The following MCF2 variants were observed in gnomAD, a reference collection of about 807,000 sequenced individuals.
The protein encoded by MCF2 is MCF.2 cell line derived transforming sequence, also known as proto-oncogene DBL.
Under a neutral mutation model 82.5 loss-of-function variants are expected in MCF2, and 44 were observed. The ratio of observed to expected loss-of-function variants is 0.53; its 90% CI spans 0.42 to 0.69. The LOEUF is 0.69. Ranked by LOEUF, MCF2 falls within the 30% of genes least tolerant of loss-of-function variation. The pLI, the probability that MCF2 is intolerant of heterozygous loss-of-function variation, is 0.00. For missense variants in MCF2, 623 were observed against 663.1 expected (o/e 0.94, Z 0.66); for synonymous variants, 217 against 224.9 (o/e 0.96, Z 0.32).
chrX:139,656,174 G>C (rs1466814889), intron 1 of MCF2, among the ~76,000 whole-genome samples: 1 of 111,907 alleles, frequency 8.9e-6, no homozygotes, highest in Non-Finnish European at 1.9e-5. Context: ...CCATTCTCCT[G>C]CCTCAGCCTC....
At chrX:139,608,137 T>C (rs931610041) in intron 11 of MCF2, among the ~76,000 whole-genome samples, 1 of 111,558 alleles carries the variant, frequency 9.0e-6, no homozygotes, top group Non-Finnish European at 1.9e-5. Flanking sequence ...TGGAAACCTT[T>C]CTAGAAAATA....
At chrX:139,650,716 C>T (rs772990713) in intron 2 of MCF2, among the ~76,000 whole-genome samples, 8 of 111,979 alleles carry the variant, frequency 7.1e-5, no homozygotes, top group African/African-American at 2.3e-4. Context: ...ACCATAGTTA[C>T]GTCTCTAAAA....
rs1188030223 is a variant in MCF2, at chrX:139,629,840, A to G, written c.293T>C (p.Ile98Thr). The change falls in exon 4 of 25, where the codon ATA (isoleucine) becomes ACA (threonine). Residue 98 changes from isoleucine to threonine, a missense_variant. Transcript: ENST00000370576. ...TTTCACTGTGAGGGCAAAATTTTCT[A>G]TAGCCTGCAAAGAGCCGGTGATTAC... 3 of 1,205,072 alleles carry G rather than the reference A, an allele frequency of 2.5e-6. No individual in the cohort carries two copies. The Admixed American group carries it at 6.6e-5, about 26-fold the overall frequency.
intron 16 of MCF2, among the ~76,000 whole-genome samples, chrX:139,600,132 G>A (rs73573983): frequency 0.03 from 3,361 of 111,215 alleles, 139 homozygotes; most frequent in African/African-American, 0.1. Flanking sequence ...ATTGAAGACA[G>A]GATGCAGATT....
At chrX:139,582,635 TA>T (rs1227733023) in intron 24 of MCF2, 132 bp from the exon 29 acceptor site, 12 of 423,417 alleles carry the variant, frequency 2.8e-5, no homozygotes, top group African/African-American at 5.0e-5. Flanking sequence ...TGCTCTTTTA[TA>T]TGTTTTCCTT....
chrX:139,617,646 T>C, exon 8 of MCF2: 5 of 1,203,253 alleles, frequency 4.2e-6, no homozygotes, highest in Non-Finnish European at 5.6e-6. Context: ...TGCATAATGG[T>C]GATTTGCTGC....
At chrX:139,605,007 T>C in intron 13 of MCF2, 23 bp from the exon 18 acceptor site, 1 of 901,464 alleles carries the variant, frequency 1.1e-6, no homozygotes, top group Non-Finnish European at 1.6e-6. Flanking sequence ...AATACATTCA[T>C]GCATTTTAAA....
chrX:139,587,737 A>G (rs757407610), exon 22 of MCF2: 3 of 1,194,783 alleles, frequency 2.5e-6, no homozygotes, highest in Non-Finnish European at 3.4e-6. Flanking sequence ...CTGAAGAGAA[A>G]TCTGAAACTT....
intron 1 of MCF2, among the ~76,000 whole-genome samples, chrX:139,654,928 C>A (rs1437380342): frequency 8.9e-6 from 1 of 111,810 alleles, no homozygotes; most frequent in Non-Finnish European, 1.9e-5. Context: ...ATTCTTATCA[C>A]TTTTGTCGAA....
At position 139,625,477 on chromosome X, in the gene MCF2, A is replaced by C. The variant is rs764777276; in HGVS notation, c.687+716T>G. On this transcript the variant is annotated intron_variant, in intron 6 of 24. Transcript: ENST00000370576. Reference sequence around the variant, plus strand: ...GTCCAGAGTACAGTGCTCCTCCGAAACCTAACTCTGATGAGCAAGTGAAAT... The same window carrying C: ...GTCCAGAGTACAGTGCTCCTCCGAACCCTAACTCTGATGAGCAAGTGAAAT... 1.1e-4 allele frequency among the ~76,000 whole-genome samples: 12 copies of C among 111,505 alleles called. No homozygotes were observed. In the South Asian group the frequency reaches 1.5e-3, roughly 14 times the overall value.
chrX:139,694,393 C>A (rs1482359059), intron 1 of MCF2, among the ~76,000 whole-genome samples: 14 of 92,499 alleles, frequency 1.5e-4, no homozygotes, highest in Admixed American at 3.5e-4. Flanking sequence ...CGAGAATAGC[C>A]AAAACAATCT....
intron 6 of MCF2, among the ~76,000 whole-genome samples, chrX:139,621,834 C>T (rs1250311341): frequency 9.0e-6 from 1 of 111,364 alleles, no homozygotes; most frequent in Non-Finnish European, 1.9e-5. Context: ...GACTTCATGT[C>T]TAAAACACCG....
At chrX:139,656,351 C>T (rs1258230950) in intron 1 of MCF2, among the ~76,000 whole-genome samples, 2 of 112,185 alleles carry the variant, frequency 1.8e-5, no homozygotes, top group East Asian at 2.8e-4. Context: ...CGTGAGCCAC[C>T]GCACCCGGCC....
At chrX:139,699,714 G>A (rs1321894051) in intron 1 of MCF2, among the ~76,000 whole-genome samples, 1 of 112,241 alleles carries the variant, frequency 8.9e-6, no homozygotes, top group Non-Finnish European at 1.9e-5. Flanking sequence ...ATACTTCATT[G>A]TATGGCTAGA....
chrX:139,667,174 T>G (rs1934545245), intron 1 of MCF2, among the ~76,000 whole-genome samples: 1 of 106,903 alleles, frequency 9.4e-6, no homozygotes, highest in African/African-American at 3.5e-5. Flanking sequence ...ACTGAGCTTC[T>G]TTAAAATCAA....
At chrX:139,648,102 T>G (rs1439617451) in intron 2 of MCF2, among the ~76,000 whole-genome samples, 1 of 111,931 alleles carries the variant, frequency 8.9e-6, no homozygotes, top group Admixed American at 9.5e-5. Flanking sequence ...CCGGGCACAG[T>G]GGTTCATGCC....
chrX:139,672,374 G>A (rs1161575861), intron 1 of MCF2, among the ~76,000 whole-genome samples: 1 of 112,432 alleles, frequency 8.9e-6, no homozygotes. Context: ...GGTGAGAGGG[G>A]GCACCCCTGT....
Position 139,582,505 on chromosome X carries a change from T to C in MCF2, c.2746-2A>G, listed in dbSNP as rs1426857275. 1 of 1,200,254 alleles carries C rather than the reference T, an allele frequency of 8.3e-7. No homozygotes were observed. The highest frequency in any genetic ancestry group is 3.0e-5 in the East Asian group (1 of 33,686). On this transcript the variant is annotated splice_acceptor_variant, in intron 24 of 24. Transcript: ENST00000370576. LOFTEE classifies it high-confidence loss of function. ...GAGAGCCATCTCCGACACAGGTCTC[T>C]ACAAGGGAAGCAGCACCCATTATTG...
intron 1 of MCF2, among the ~76,000 whole-genome samples, chrX:139,692,716 A>C (rs1468805339): frequency 8.9e-6 from 1 of 112,170 alleles, no homozygotes; most frequent in Non-Finnish European, 1.9e-5. Flanking sequence ...GACTCGGCGC[A>C]AGGGAGTTAC....
Sources: gnomAD v4.1 joint callset for allele counts (sites outside exome capture counted in the v4.1 genomes callset) on GRCh38, gnomAD v4.1.1 for gene constraint, MANE v1.5 for transcripts, NCBI Gene and HGNC (gene_info 2026-07-23, HGNC 2026-07-21) for gene names.